The following NATD1 variants were observed in gnomAD, a reference collection of about 807,000 sequenced individuals.
NATD1 encodes the protein protein NATD1.
In NATD1, 9 loss-of-function variants were observed where a neutral mutation model predicts 12.0. That is an observed-to-expected ratio of 0.75 (90% CI 0.45 to 1.30). NATD1 has a LOEUF of 1.30. Ranked by LOEUF, NATD1 falls within the 50% of genes most tolerant of loss-of-function variation. NATD1 has a pLI of 0.00. For synonymous variants in NATD1, 71 were observed against 65.9 expected (o/e 1.08, Z -0.37); for missense variants, 148 against 148.5 (o/e 1.00, Z 0.02).
rs564517628 is a variant in NATD1 at position 21,242,841 on chromosome 17, C to T, written c.*472G>A. ...TCTGAGAAAGGGGCAGCACCGCTGG[C>T]AGGTGGGGTCTGGCACTGCCACCCT... On this transcript the variant is annotated 3_prime_UTR_variant, in exon 3 of 3. Coordinates refer to ENST00000611551, the MANE Select transcript of NATD1 (RefSeq NM_152914.3). 6.3e-6 allele frequency: 1 copy of T among 157,952 alleles called. No individual in the cohort carries two copies. Among genetic ancestry groups the T allele is most frequent in the Non-Finnish European group, 1.4e-5 (1 of 71,040 alleles). 9.8% of individuals were successfully genotyped at this position (157,952 alleles called of 1,614,324 possible). A position where few individuals can be genotyped will look rare whatever the true frequency, so the allele number is the denominator to read the frequency against.
In NATD1 at chr17:21,242,089, AAAGGGCCCCTGGC is replaced by A. The variant is rs1975279708; in HGVS notation, c.*1211_*1223del. 2 of 152,768 alleles carry A rather than the reference AAAGGGCCCCTGGC, an allele frequency of 1.3e-5. No individual in the cohort carries two copies. The highest frequency in any genetic ancestry group is 2.9e-5 in the Non-Finnish European group (2 of 68,532). 9.5% of individuals were successfully genotyped at this position (152,768 alleles called of 1,614,324 possible). A position where few individuals can be genotyped will look rare whatever the true frequency, so the allele number is the denominator to read the frequency against. On this transcript the variant is annotated 3_prime_UTR_variant, in exon 3 of 3. Coordinates refer to ENST00000611551, the MANE Select transcript of NATD1 (RefSeq NM_152914.3). ...TCCGACTAACAAATGTCTCAGCCCT[AAAGGGCCCCTGGC>A]TCCAGGTCACCCTCCAGCTCTACAG...
At chr17:21,251,293 G>GA (rs923554742) in intron 1 of NATD1, among the ~76,000 whole-genome samples, 16,925 of 85,706 alleles carry the variant, frequency 0.2, 1,026 homozygotes, top group Middle Eastern at 0.24. Flanking sequence ...GAAAGAAAAA[G>GA]AAAAAAAAAA....
chr17:21,243,985 A>T, intron 2 of NATD1, 121 bp downstream of exon 2: 1 of 856,218 alleles, frequency 1.2e-6, no homozygotes, highest in Non-Finnish European at 1.8e-6. Flanking sequence ...CCACTGGCCC[A>T]GAGAGGACCC....
rs1268102617 is a variant in NATD1 at position 21,242,572 on chromosome 17, T to C, written c.*741A>G. 2.0e-5 allele frequency: 3 copies of C among 152,020 alleles called. No individual in the cohort carries two copies. The highest frequency in any genetic ancestry group is 4.4e-5 in the Non-Finnish European group (3 of 68,038). 9.4% of individuals were successfully genotyped at this position (152,020 alleles called of 1,614,324 possible). Reference sequence around the variant, plus strand: ...CAGGGGTATAGGGGATAGCAGCCCATGGGGATGGGGCCTTGGTTTCCTGCA... The same window carrying C: ...CAGGGGTATAGGGGATAGCAGCCCACGGGGATGGGGCCTTGGTTTCCTGCA... On this transcript the variant is annotated 3_prime_UTR_variant, in exon 3 of 3. Transcript: ENST00000611551.
At chr17:21,246,041 G>A (rs945416746) in intron 1 of NATD1, among the ~76,000 whole-genome samples, 6 of 152,180 alleles carry the variant, frequency 3.9e-5, no homozygotes, top group African/African-American at 1.2e-4. Context: ...GACTGACTCC[G>A]TCACCAAGGG....
In NATD1 at chr17:21,243,376, C is replaced by G; in HGVS notation, c.279G>C (p.Trp93Cys). ...TCTCCTTGACGTACTTCTGGATGTA[C>G]CAGCAGGTGAGATGGGCCTTCAGGT... ...EEDLKAHLTC[W>C]YIQKYVKENP... Residue 93 changes from tryptophan to cysteine, a missense_variant, in exon 3 of 3, where the codon TGG becomes TGC. Trp to Cys is a radical substitution (Grantham distance 215). Coordinates refer to ENST00000611551, the MANE Select transcript of NATD1 (RefSeq NM_152914.3). 2 of 1,613,574 alleles carry G rather than the reference C, an allele frequency of 1.2e-6. No individual in the cohort carries two copies. The highest frequency in any genetic ancestry group is 1.7e-6 in the Non-Finnish European group (2 of 1,179,972).
Position 21,243,323 on chromosome 17 carries a change from A to G in NATD1, c.332T>C (p.Leu111Pro). Reference protein sequence around the residue: ...ENPLPQYLERLQP With the variant: ...ENPLPQYLERPQP The stretch of plus-strand genomic sequence containing the variant: ...GCCTGCAGGCCAGGGTTACGGCTGC[A>G]GGCGCTCCAGGTACTGCGGCAGGGG... Residue 111 changes from leucine (L) to proline (P), a missense_variant, in exon 3 of 3, where the codon CTG becomes CCG. Leu to Pro is a moderately conservative substitution (Grantham distance 98, BLOSUM62 -3). Coordinates refer to ENST00000611551, the MANE Select transcript of NATD1 (RefSeq NM_152914.3). The G allele has an allele frequency of 6.2e-7, 1 of 1,612,190 alleles. No homozygotes were observed. The highest frequency in any genetic ancestry group is 1.1e-5 in the South Asian group (1 of 91,074).
rs902939599 is a variant in NATD1, at chr17:21,240,307, T to C, written c.*3006A>G. On this transcript the variant is annotated 3_prime_UTR_variant, in exon 3 of 3. Coordinates refer to ENST00000611551, the MANE Select transcript of NATD1 (RefSeq NM_152914.3). ...CCCAGTGACACGCAGGGTCTCGCTC[T>C]CCACGCTGAAGGCTGTGCTGAGGGC... is the stretch of plus-strand genomic sequence containing the variant. The C allele has an allele frequency of 2.0e-5, 3 of 152,206 alleles. No homozygotes were observed. Among genetic ancestry groups the C allele is most frequent in the Admixed American group, 1.3e-4 (2 of 15,286 alleles). 9.4% of individuals were successfully genotyped at this position (152,206 alleles called of 1,614,324 possible). A position where few individuals can be genotyped will look rare whatever the true frequency, so the allele number is the denominator to read the frequency against.
Position 21,244,343 on chromosome 17 carries a change from T to A in NATD1, c.107-119A>T, listed in dbSNP as rs1597784075. The A allele has an allele frequency of 9.2e-6, 7 of 763,346 alleles. No individual in the cohort carries two copies. The East Asian group carries it at 2.0e-4, about 22-fold the overall frequency. 47.3% of individuals were successfully genotyped at this position (763,346 alleles called of 1,614,324 possible). A position where few individuals can be genotyped will look rare whatever the true frequency, so the allele number is the denominator to read the frequency against. ...TCAGCTGCTACAGCTGAATCCTGAA[T>A]AACCTCTCAGTGCCTCAGTCTCCTC... On this transcript the variant is annotated intron_variant, in intron 1 of 2. Transcript: ENST00000611551. The surrounding 1 kb of genome is among the most constrained non-coding windows in gnomAD (Gnocchi z 5.2).
At chr17:21,250,414 C>A (rs927510142) in intron 1 of NATD1, among the ~76,000 whole-genome samples, 4 of 152,248 alleles carry the variant, frequency 2.6e-5, no homozygotes, top group Admixed American at 2.0e-4. Flanking sequence ...CCTCTGCCCC[C>A]TGCACCTCTC....
Position 21,244,010 on chromosome 17 carries a change from G to A in NATD1, c.225+96C>T. 1 of 1,120,726 alleles carries A rather than the reference G, an allele frequency of 8.9e-7. No homozygotes were observed. Among genetic ancestry groups the A allele is most frequent in the South Asian group, 1.5e-5 (1 of 66,106 alleles). 69.4% of individuals were successfully genotyped at this position (1,120,726 alleles called of 1,614,324 possible). On this transcript the variant is annotated intron_variant, in intron 2 of 2. Coordinates refer to ENST00000611551, the MANE Select transcript of NATD1 (RefSeq NM_152914.3). This position sits in a 1 kb window ranked among gnomAD's most constrained non-coding sequence, Gnocchi z 5.2. The stretch of plus-strand genomic sequence containing the variant: ...AGAGAGGACCCAGGGCCAAGAAGCA[G>A]GCTGAAGTGGCCACCAGGGCCACCG...
chr17:21,245,953 G>A (rs1184232018), intron 1 of NATD1, among the ~76,000 whole-genome samples: 4 of 152,246 alleles, frequency 2.6e-5, no homozygotes, highest in African/African-American at 9.6e-5. Context: ...AGCAAGGGAT[G>A]TGGTTCTTGG....
chr17:21,243,815 C>T (rs920592851), intron 2 of NATD1, among the ~76,000 whole-genome samples: 1 of 152,196 alleles, frequency 6.6e-6, no homozygotes. Context: ...CAAACCTGCT[C>T]TCCAGGCAGC....
chr17:21,241,696 T>C lies in NATD1; in HGVS notation c.*1617A>G, dbSNP rs751738533. On this transcript the variant is annotated 3_prime_UTR_variant, in exon 3 of 3. Coordinates refer to ENST00000611551, the MANE Select transcript of NATD1 (RefSeq NM_152914.3). Reference sequence around the variant, plus strand: ...CAGGATGGTGACCCCTCCTGGTCCATGCTGTGACCCACAGCAGGGGTTTCG... The same window carrying C: ...CAGGATGGTGACCCCTCCTGGTCCACGCTGTGACCCACAGCAGGGGTTTCG... The C allele has an allele frequency of 1.3e-5, 2 of 152,234 alleles. No individual in the cohort carries two copies. The highest frequency in any genetic ancestry group is 2.9e-5 in the Non-Finnish European group (2 of 68,088). The allele number at this position is 152,234 out of a possible 1,614,324, so 9.4% of individuals were successfully genotyped here. A position where few individuals can be genotyped will look rare whatever the true frequency, so the allele number is the denominator to read the frequency against.
chr17:21,251,693 T>C (rs1285013231), intron 1 of NATD1, among the ~76,000 whole-genome samples: 1 of 152,230 alleles, frequency 6.6e-6, no homozygotes, highest in Non-Finnish European at 1.5e-5. Context: ...ACTCGGCACA[T>C]TCCAAATGGC....
In NATD1 at chr17:21,244,005, A is replaced by C. The variant is rs1975303062; in HGVS notation, c.225+101T>G. 1 of 1,055,674 alleles carries C rather than the reference A, an allele frequency of 9.5e-7. No individual in the cohort carries two copies. Among genetic ancestry groups the C allele is most frequent in the Non-Finnish European group, 1.4e-6 (1 of 732,366 alleles). 65.4% of individuals were successfully genotyped at this position (1,055,674 alleles called of 1,614,324 possible). Reference sequence around the variant, plus strand: ...GGCCCAGAGAGGACCCAGGGCCAAGAAGCAGGCTGAAGTGGCCACCAGGGC... The same window carrying C: ...GGCCCAGAGAGGACCCAGGGCCAAGCAGCAGGCTGAAGTGGCCACCAGGGC... On this transcript the variant is annotated intron_variant, in intron 2 of 2. Coordinates refer to ENST00000611551, the MANE Select transcript of NATD1 (RefSeq NM_152914.3). The surrounding 1 kb of genome is among the most constrained non-coding windows in gnomAD (Gnocchi z 5.2).
At chr17:21,248,029 G>C (rs958772754) in intron 1 of NATD1, among the ~76,000 whole-genome samples, 4 of 152,242 alleles carry the variant, frequency 2.6e-5, no homozygotes, top group Admixed American at 2.6e-4. Context: ...AAGGGGAACA[G>C]AGGGCATCTG....
chr17:21,243,241 G>T lies in NATD1; in HGVS notation c.*72C>A. 8.1e-7 allele frequency: 1 copy of T among 1,230,022 alleles called. No homozygotes were observed. The highest frequency in any genetic ancestry group is 1.3e-5 in the South Asian group (1 of 78,956). 76.2% of individuals were successfully genotyped at this position (1,230,022 alleles called of 1,614,324 possible). On this transcript the variant is annotated 3_prime_UTR_variant, in exon 3 of 3. Transcript: ENST00000611551. Reference sequence around the variant, plus strand: ...CTGTTCCCAGTGGGACCAGGTTCCTGAGAGCACGTGGGGCCAGGCAAAGGC... The same window carrying T: ...CTGTTCCCAGTGGGACCAGGTTCCTTAGAGCACGTGGGGCCAGGCAAAGGC...
rs1975397885 is a variant in NATD1 at position 21,253,325 on chromosome 17, C to G, written c.-61G>C. 2.6e-6 allele frequency: 2 copies of G among 761,828 alleles called. No homozygotes were observed. Among genetic ancestry groups the G allele is most frequent in the Admixed American group, 1.3e-4 (2 of 15,604 alleles). 47.2% of individuals were successfully genotyped at this position (761,828 alleles called of 1,614,324 possible). On this transcript the variant is annotated 5_prime_UTR_variant, in exon 1 of 3. Coordinates refer to ENST00000611551, the MANE Select transcript of NATD1 (RefSeq NM_152914.3). ...CCGGGGCGCGCGGGGAAAGGTCAGG[C>G]GCGCGGCGGGGCTGGAGCGCGGGCG...
Sources: allele counts gnomAD v4.1 joint callset (sites outside exome capture counted in the v4.1 genomes callset), GRCh38; gene constraint gnomAD v4.1.1; non-coding constraint Gnocchi (gnomAD v3.1); transcripts MANE v1.5; gene names NCBI Gene and HGNC (gene_info 2026-07-23, HGNC 2026-07-21).